EFL1: variants seen among roughly 807,000 people sequenced by gnomAD.
EFL1 encodes the protein elongation factor-like GTPase 1.
Under a neutral mutation model 126.7 loss-of-function variants are expected in EFL1, and 76 were observed. The ratio of observed to expected loss-of-function variants is 0.60; its 90% CI spans 0.50 to 0.73. The LOEUF (loss-of-function observed/expected upper bound fraction) is 0.73, where lower values mean the gene tolerates loss of function less well. Ranked by LOEUF, EFL1 falls within the 30% of genes least tolerant of loss-of-function variation. The probability of loss-of-function intolerance (pLI) is 0.00; values close to 1 mark genes in which losing one functional copy is unlikely to be tolerated. For missense variants in EFL1, 1,128 were observed against 1,343.2 expected (o/e 0.84, Z 2.50); for synonymous variants, 410 against 448.4 (o/e 0.91, Z 1.08).
intron 12 of EFL1, among the ~76,000 whole-genome samples, chr15:82,222,719 G>T (rs1595992677): frequency 6.6e-6 from 1 of 152,192 alleles, no homozygotes; most frequent in African/African-American, 2.4e-5. Context: ...TCCAGCATTT[G>T]TTGAGAACAA....
At chr15:82,250,939 C>T (rs1189908185) in intron 4 of EFL1, among the ~76,000 whole-genome samples, 1 of 152,190 alleles carries the variant, frequency 6.6e-6, no homozygotes, top group African/African-American at 2.4e-5. Flanking sequence ...TGGCTGGGCG[C>T]GGTGGCTCCC....
intron 7 of EFL1, among the ~76,000 whole-genome samples, chr15:82,237,968 T>C (rs1567075167): frequency 6.6e-6 from 1 of 152,190 alleles, no homozygotes; most frequent in East Asian, 1.9e-4. Flanking sequence ...AATGAGAAAT[T>C]TGGAGATAAA....
chr15:82,159,035 G>A (rs547672679), intron 16 of EFL1, among the ~76,000 whole-genome samples: 1 of 152,322 alleles, frequency 6.6e-6, no homozygotes, highest in African/African-American at 2.4e-5. Context: ...TTGTAGGTCA[G>A]GTGATCAAAA....
chr15:82,216,992 C>G (rs533250751), intron 14 of EFL1, among the ~76,000 whole-genome samples: 2 of 152,066 alleles, frequency 1.3e-5, no homozygotes, highest in Non-Finnish European at 2.9e-5. Context: ...CAATAAAGTA[C>G]CATAATAGAA....
intron 11 of EFL1, 37 bp from the exon 12 acceptor site, chr15:82,225,301 CCAT>C (rs775700511): frequency 1.4e-6 from 2 of 1,416,366 alleles, no homozygotes; most frequent in African/African-American, 1.5e-5. Flanking sequence ...ACTATTTTTC[CCAT>C]TATTAAAAAA....
rs150238673 is a variant in EFL1 at position 82,238,446 on chromosome 15, C to G, written c.592G>C (p.Val198Leu). Residue 198 changes from valine (V) to leucine (L), a missense_variant, in exon 7 of 20, where the codon GTG becomes CTG. Physicochemically the swap from Val to Leu is conservative, Grantham distance 32. Transcript: ENST00000268206. ...TCTCCTTGTTCAGAATTTGGATTCA[C>G]TTGGGATTCAGTCTCCCTCTCTGCT... ...ERAERETESQ[V>L]NPNSEQGEQV... 19 of 1,614,156 alleles carry G rather than the reference C, an allele frequency of 1.2e-5. No individual in the cohort carries two copies. In the East Asian group the frequency reaches 3.8e-4, roughly 32 times the overall value.
At chr15:82,225,859 T>TA (rs1479649228) in intron 11 of EFL1, among the ~76,000 whole-genome samples, 1 of 152,210 alleles carries the variant, frequency 6.6e-6, no homozygotes, top group African/African-American at 2.4e-5. Context: ...TTCCTTAACC[T>TA]ATACTGGAGG....
At chr15:82,226,549 G>A (rs1054103800) in intron 11 of EFL1, among the ~76,000 whole-genome samples, 19 of 152,186 alleles carry the variant, frequency 1.2e-4, no homozygotes, top group African/African-American at 4.6e-4. Flanking sequence ...ACTGAGATGG[G>A]AATGACTAGG....
At chr15:82,158,661 T>C (rs1400025906) in intron 16 of EFL1, among the ~76,000 whole-genome samples, 1 of 152,154 alleles carries the variant, frequency 6.6e-6, no homozygotes, top group African/African-American at 2.4e-5. Context: ...GTTTTCAGCA[T>C]GTCAAACAAA....
chr15:82,229,892 T>C (rs1179613622), intron 8 of EFL1, among the ~76,000 whole-genome samples: 1 of 152,190 alleles, frequency 6.6e-6, no homozygotes, highest in Non-Finnish European at 1.5e-5. Flanking sequence ...ATCATAACTA[T>C]CCTATGAGAT....
chr15:82,198,075 A>G (rs1373175526), intron 15 of EFL1, among the ~76,000 whole-genome samples: 1 of 152,180 alleles, frequency 6.6e-6, no homozygotes, highest in Admixed American at 6.5e-5. Flanking sequence ...GTTACAGGCT[A>G]CACGTTTTAC....
At chr15:82,196,998 C>G (rs760437452) in intron 15 of EFL1, among the ~76,000 whole-genome samples, 2 of 150,400 alleles carry the variant, frequency 1.3e-5, no homozygotes, top group Non-Finnish European at 2.9e-5. Context: ...CACCATTGCA[C>G]TCCAGCTTGG....
At chr15:82,206,251 T>C (rs1406818912) in intron 15 of EFL1, among the ~76,000 whole-genome samples, 1 of 152,240 alleles carries the variant, frequency 6.6e-6, no homozygotes, top group Non-Finnish European at 1.5e-5. Context: ...TATAAAGTCA[T>C]CTATGATAAG....
chr15:82,181,453 G>C (rs2074250382), intron 15 of EFL1, among the ~76,000 whole-genome samples: 1 of 152,120 alleles, frequency 6.6e-6, no homozygotes, highest in Admixed American at 6.5e-5. Flanking sequence ...TGTAAACACA[G>C]AGCTCTAGAA....
chr15:82,244,616 G>C (rs2074954645), intron 4 of EFL1, among the ~76,000 whole-genome samples: 1 of 151,992 alleles, frequency 6.6e-6, no homozygotes, highest in African/African-American at 2.4e-5. Context: ...GTTCCAGGGG[G>C]CTGAAAAAAA....
chr15:82,219,977 T>G, intron 13 of EFL1, 101 bp downstream of exon 13: 1 of 1,499,124 alleles, frequency 6.7e-7, no homozygotes, highest in Admixed American at 2.3e-5. Flanking sequence ...TGATAAAAAC[T>G]ACGATTAAAG....
chr15:82,197,863 G>A (rs1279363314), intron 15 of EFL1, among the ~76,000 whole-genome samples: 1 of 152,044 alleles, frequency 6.6e-6, no homozygotes, highest in Non-Finnish European at 1.5e-5. Context: ...AATAAAAAGT[G>A]CCTGCCTGCC....
Position 82,220,062 on chromosome 15 carries a change from C to CT in EFL1, c.1444+15dup, listed in dbSNP as rs1567068334. On this transcript the variant is annotated intron_variant, in intron 13 of 19. Coordinates refer to ENST00000268206, the MANE Select transcript of EFL1 (RefSeq NM_024580.6). ...GGCAAATACTTTGCAACAGAGCCTA[C>CT]TTAGGAAAGCTATACCTCTTGGCTC... The CT allele has an allele frequency of 6.3e-7, 1 of 1,585,198 alleles. No homozygotes were observed. The highest frequency in any genetic ancestry group is 8.5e-7 in the Non-Finnish European group (1 of 1,170,396).
At chr15:82,186,840 T>TC (rs1260017548) in intron 15 of EFL1, among the ~76,000 whole-genome samples, 1 of 152,176 alleles carries the variant, frequency 6.6e-6, no homozygotes, top group Admixed American at 6.5e-5. Context: ...TCTTTGATGA[T>TC]CGAGGCTTGT....
Sources: allele counts gnomAD v4.1 joint callset (sites outside exome capture counted in the v4.1 genomes callset), GRCh38; gene constraint gnomAD v4.1.1; transcripts MANE v1.5; gene names NCBI Gene and HGNC (gene_info 2026-07-23, HGNC 2026-07-21).